The following PTPN21 variants were observed in gnomAD, a reference collection of about 807,000 sequenced individuals.
PTPN21 encodes the protein tyrosine-protein phosphatase non-receptor type 21.
A neutral mutation model predicts 131.8 loss-of-function variants in PTPN21; 77 were observed. That is an observed-to-expected ratio of 0.58 (90% CI 0.49 to 0.71). The LOEUF (loss-of-function observed/expected upper bound fraction) is 0.71, where lower values mean the gene tolerates loss of function less well. PTPN21 is among the 30% of genes least tolerant of loss of function. The pLI, the probability that PTPN21 is intolerant of heterozygous loss-of-function variation, is 0.00. For synonymous variants in PTPN21, 715 were observed against 621.3 expected, an observed-to-expected ratio of 1.15 and a Z score of -2.24; for missense variants, 1,552 against 1,527.1, an observed-to-expected ratio of 1.02 and a Z score of -0.27.
chr14:88,554,778 G>A lies in PTPN21; in HGVS notation c.-330C>T, dbSNP rs541841612. ...CAGCCCGGGCCGCGGCGCGCTCATGGGGCTCGCACGCCTCACTTCCTGTCT... is the reference window on the plus strand; with the variant it reads ...CAGCCCGGGCCGCGGCGCGCTCATGAGGCTCGCACGCCTCACTTCCTGTCT... On this transcript the variant is annotated 5_prime_UTR_variant, in exon 1 of 19. Coordinates refer to ENST00000556564, the MANE Select transcript of PTPN21 (RefSeq NM_007039.4). 1 of 150,802 alleles carries A rather than the reference G, an allele frequency of 6.6e-6. No individual in the cohort carries two copies. Among genetic ancestry groups the A allele is most frequent in the East Asian group, 1.9e-4 (1 of 5,152 alleles). The allele number at this position is 150,802 out of a possible 1,614,324, so 9.3% of individuals were successfully genotyped here.
At chr14:88,547,729 C>A in intron 2 of PTPN21, 1 of 450,354 alleles carries the variant, frequency 2.2e-6, no homozygotes. Context: ...TCTTCTTCGG[C>A]AGTTTCATCT....
rs2078763563 is a variant in PTPN21 at position 88,545,537 on chromosome 14, A to G, written c.180+4701T>C. 2.6e-5 allele frequency among the ~76,000 whole-genome samples: 4 copies of G among 152,184 alleles called. No homozygotes were observed. The South Asian group carries it at 8.3e-4, about 31-fold the overall frequency. On this transcript the variant is annotated intron_variant, in intron 2 of 18. Coordinates refer to ENST00000556564, the MANE Select transcript of PTPN21 (RefSeq NM_007039.4). ...GAGAAAATTTTCTAGCTCCCCTTAA[A>G]TTCCACAAGGACTCACAGCCTCTCT...
chr14:88,546,974 C>T (rs539275682), intron 2 of PTPN21, among the ~76,000 whole-genome samples: 1 of 152,316 alleles, frequency 6.6e-6, no homozygotes, highest in African/African-American at 2.4e-5. Flanking sequence ...GTGGGACAGA[C>T]TCTCCACAGG....
chr14:88,554,960 C>G lies in PTPN21; in HGVS notation c.-512G>C, dbSNP rs1421000381. On this transcript the variant is annotated 5_prime_UTR_variant, in exon 1 of 19. Transcript: ENST00000556564. ...CAGGAGGACGGACAGACCGTCGGAC[C>G]GACGCGGGACGCGCGGCCGGAGCAG... 6.6e-6 allele frequency among the ~76,000 whole-genome samples: 1 copy of G among 151,534 alleles called. No individual in the cohort carries two copies. Among genetic ancestry groups the G allele is most frequent in the Non-Finnish European group, 1.5e-5 (1 of 67,840 alleles).
chr14:88,548,598 A>T (rs2078816123), intron 2 of PTPN21, among the ~76,000 whole-genome samples: 1 of 152,138 alleles, frequency 6.6e-6, no homozygotes, highest in African/African-American at 2.4e-5. Flanking sequence ...GTGAGCTTCC[A>T]AGTATGTATG....
At chr14:88,475,611 G>C (rs1029840063) in intron 13 of PTPN21, among the ~76,000 whole-genome samples, 2 of 152,194 alleles carry the variant, frequency 1.3e-5, no homozygotes, top group Non-Finnish European at 2.9e-5. Context: ...GCAGAAAACA[G>C]TGATGTGCTG....
chr14:88,514,653 G>A (rs1003473104), intron 3 of PTPN21, among the ~76,000 whole-genome samples: 46 of 151,744 alleles, frequency 3.0e-4, no homozygotes, highest in African/African-American at 1.0e-3. Context: ...TAGTAGAGAC[G>A]GCGTTTCTCC....
intron 2 of PTPN21, among the ~76,000 whole-genome samples, chr14:88,539,483 G>A (rs893300608): frequency 2.0e-5 from 3 of 151,886 alleles, no homozygotes; most frequent in African/African-American, 7.3e-5. Context: ...CCCGACCTCA[G>A]GTGATCCGCC....
chr14:88,496,271 C>T (rs1196904060), intron 10 of PTPN21, 142 bp downstream of exon 10: 1 of 685,944 alleles, frequency 1.5e-6, no homozygotes, highest in Non-Finnish European at 2.4e-6. Flanking sequence ...CAAGTTGGTC[C>T]AAAGCTAAAA....
At chr14:88,485,352 C>G (rs1012466724) in intron 11 of PTPN21, among the ~76,000 whole-genome samples, 192 bp from the exon 12 acceptor site, 13 of 152,154 alleles carry the variant, frequency 8.5e-5, no homozygotes, top group Admixed American at 5.2e-4. Context: ...ATGGCAATGT[C>G]AAGCCCTATG....
At chr14:88,504,540 T>C in intron 5 of PTPN21, 45 bp from the exon 6 acceptor site, 1 of 1,495,002 alleles carries the variant, frequency 6.7e-7, no homozygotes, top group Non-Finnish European at 9.3e-7. Flanking sequence ...TTCACCCCAA[T>C]TTCTTAGAAG....
intron 2 of PTPN21, among the ~76,000 whole-genome samples, chr14:88,543,890 C>A (rs1301334153): frequency 6.6e-6 from 1 of 152,172 alleles, no homozygotes; most frequent in East Asian, 1.9e-4. Flanking sequence ...ATGGGAACAA[C>A]AATAAAGACG....
intron 10 of PTPN21, chr14:88,492,994 A>G: frequency 2.4e-6 from 1 of 422,124 alleles, no homozygotes; most frequent in East Asian, 7.2e-5. Flanking sequence ...ATATGAAAAA[A>G]GCAGGCAGGA....
chr14:88,482,917 T>A (rs567630582), intron 12 of PTPN21, among the ~76,000 whole-genome samples: 1 of 151,360 alleles, frequency 6.6e-6, no homozygotes, highest in Admixed American at 6.6e-5. Context: ...AGTACTCTTA[T>A]AAGTCAGTGA....
intron 10 of PTPN21, among the ~76,000 whole-genome samples, chr14:88,490,012 CTTT>C (rs757640728): frequency 7.0e-6 from 1 of 143,056 alleles, no homozygotes; most frequent in African/African-American, 2.6e-5. Flanking sequence ...GTGTGGTTTT[CTTT>C]TTTTTTTTTT....
intron 2 of PTPN21, among the ~76,000 whole-genome samples, chr14:88,548,670 G>A (rs1334957928): frequency 1.3e-5 from 2 of 152,134 alleles, no homozygotes; most frequent in Non-Finnish European, 2.9e-5. Flanking sequence ...TGGTCACCAG[G>A]AGCAAAGTTC....
At chr14:88,498,776 G>C (rs914758817) in intron 8 of PTPN21, among the ~76,000 whole-genome samples, 5 of 152,014 alleles carry the variant, frequency 3.3e-5, no homozygotes, top group Admixed American at 6.5e-5. Flanking sequence ...GTGATCACTA[G>C]GATTCAAAAT....
chr14:88,506,747 T>C lies in PTPN21; in HGVS notation c.448+1176A>G, dbSNP rs9323829. 7.6e-3 allele frequency among the ~76,000 whole-genome samples: 1,152 copies of C among 152,184 alleles called. 13 individuals carry two copies. The highest frequency in any genetic ancestry group is 0.026 in the African/African-American group (1,097 of 41,528). On this transcript the variant is annotated intron_variant, in intron 4 of 18. Transcript: ENST00000556564. ...TCAGAAATCACCACTAAAGAACTTATTCATGTAACCATAGCCAGCCACGGT... is the reference window on the plus strand; with the variant it reads ...TCAGAAATCACCACTAAAGAACTTACTCATGTAACCATAGCCAGCCACGGT...
In PTPN21 at chr14:88,497,538, G is replaced by C. The variant is rs540830165; in HGVS notation, c.765-248C>G. ...TAATCTCAGCACTTTGGGAGGCCAA[G>C]GTGGGTGGATCACGAGGTCAGGAGA... On this transcript the variant is annotated intron_variant, in intron 8 of 18. Coordinates refer to ENST00000556564, the MANE Select transcript of PTPN21 (RefSeq NM_007039.4). Among the ~76,000 whole-genome samples, 11 of 152,144 alleles carry C rather than the reference G, an allele frequency of 7.2e-5. No homozygotes were observed. In the East Asian group the frequency reaches 2.1e-3, roughly 29 times the overall value.
Sources: gnomAD v4.1 joint callset for allele counts (sites outside exome capture counted in the v4.1 genomes callset) on GRCh38, gnomAD v4.1.1 for gene constraint, MANE v1.5 for transcripts, NCBI Gene and HGNC (gene_info 2026-07-23, HGNC 2026-07-21) for gene names.